The following KCNT2 variants were observed in gnomAD, a reference collection of about 807,000 sequenced individuals.
KCNT2 encodes the protein potassium channel subfamily T member 2.
In KCNT2, 67 loss-of-function variants were observed where a neutral mutation model predicts 153.8. The observed-to-expected ratio is 0.44, with a 90% CI of 0.36 to 0.53. The LOEUF (loss-of-function observed/expected upper bound fraction) is 0.53, where lower values mean the gene tolerates loss of function less well. KCNT2 is among the 20% of genes least tolerant of loss of function. KCNT2 has a pLI of 0.00. For synonymous variants in KCNT2, 500 were observed against 458.8 expected, an observed-to-expected ratio of 1.09 and a Z score of -1.15; for missense variants, 975 against 1,354.8, an observed-to-expected ratio of 0.72 and a Z score of 4.40.
chr1:196,255,158 GAAT>G (rs1038840179), intron 26 of KCNT2, among the ~76,000 whole-genome samples: 25 of 151,456 alleles, frequency 1.7e-4, no homozygotes, highest in African/African-American at 6.0e-4. Flanking sequence ...GATTATTGAG[GAAT>G]AATGTTAGTT....
chr1:196,477,002 T>C (rs1310607536), intron 5 of KCNT2, among the ~76,000 whole-genome samples: 2 of 152,224 alleles, frequency 1.3e-5, no homozygotes, highest in Admixed American at 1.3e-4. Flanking sequence ...AATGTGCTTT[T>C]ATATGATACT....
chr1:196,456,682 C>A (rs1676701696), intron 8 of KCNT2, among the ~76,000 whole-genome samples: 1 of 151,880 alleles, frequency 6.6e-6, no homozygotes, highest in Non-Finnish European at 1.5e-5. Context: ...TGACTTTGTT[C>A]ATACCACTAG....
chr1:196,271,910 C>T (rs1488827499), intron 25 of KCNT2, among the ~76,000 whole-genome samples: 1 of 151,970 alleles, frequency 6.6e-6, no homozygotes, highest in Non-Finnish European at 1.5e-5. Flanking sequence ...CACCCAAAAA[C>T]AATGCACCAA....
chr1:196,384,808 A>T (rs1260913958), intron 13 of KCNT2, among the ~76,000 whole-genome samples: 2 of 152,014 alleles, frequency 1.3e-5, no homozygotes, highest in Non-Finnish European at 2.9e-5. Flanking sequence ...AAATACATAA[A>T]ATCATCCCTT....
intron 25 of KCNT2, among the ~76,000 whole-genome samples, chr1:196,279,823 G>A (rs1489420554): frequency 6.6e-6 from 1 of 151,772 alleles, no homozygotes; most frequent in African/African-American, 2.4e-5. Context: ...TTATATAAGT[G>A]TCAAACTATA....
intron 11 of KCNT2, among the ~76,000 whole-genome samples, chr1:196,423,538 T>C (rs990586708): frequency 6.6e-6 from 1 of 151,844 alleles, no homozygotes; most frequent in Non-Finnish European, 1.5e-5. Flanking sequence ...TTTGTATTTA[T>C]ACTTCCTGGA....
chr1:196,523,812 A>G (rs989630177), intron 1 of KCNT2, among the ~76,000 whole-genome samples: 5 of 152,218 alleles, frequency 3.3e-5, no homozygotes, highest in African/African-American at 1.2e-4. Flanking sequence ...AATTATTTTG[A>G]GTCTTAAAGA....
intron 22 of KCNT2, among the ~76,000 whole-genome samples, chr1:196,300,140 T>C (rs1661045297): frequency 6.6e-6 from 1 of 152,162 alleles, no homozygotes; most frequent in South Asian, 2.1e-4. Flanking sequence ...AAGGAGTGTA[T>C]ATTTCTGAAG....
In KCNT2 at chr1:196,564,848, T is replaced by C. The variant is rs1197987310; in HGVS notation, c.95+43367A>G. The stretch of plus-strand genomic sequence containing the variant: ...AACACAGATTAACTAAAGACCTAAA[T>C]ACAGACCTGAAACTGTAAAAGTAAT... On this transcript the variant is annotated intron_variant, in intron 1 of 27. Coordinates refer to ENST00000294725, the MANE Select transcript of KCNT2 (RefSeq NM_198503.5). Among the ~76,000 whole-genome samples the C allele has an allele frequency of 2.2e-4, 33 of 151,732 alleles. 1 individual carries two copies. The highest frequency in any genetic ancestry group is 2.2e-3 in the Admixed American group (33 of 15,204).
chr1:196,465,401 G>GA lies in KCNT2; in HGVS notation c.544-15dup, dbSNP rs753774068. ...GTGTAGATCATTCTAAAATAATACA[G>GA]AAAAAAAGTTGTAAATTTTGATAAA... On this transcript the variant is annotated splice_polypyrimidine_tract_variant and intron_variant, in intron 7 of 27. Transcript: ENST00000294725. The GA allele has an allele frequency of 1.5e-5, 22 of 1,477,860 alleles. No individual in the cohort carries two copies. The Admixed American group carries it at 1.7e-4, about 12-fold the overall frequency. The allele number at this position is 1,477,860 out of a possible 1,614,324, so 91.5% of individuals were successfully genotyped here.
chr1:196,475,496 T>G (rs915998765), intron 5 of KCNT2, among the ~76,000 whole-genome samples: 15 of 152,082 alleles, frequency 9.9e-5, no homozygotes, highest in African/African-American at 3.4e-4. Context: ...GGTGCACACC[T>G]GCAGTCCCAA....
intron 19 of KCNT2, among the ~76,000 whole-genome samples, chr1:196,320,619 G>A (rs1663203378): frequency 6.6e-6 from 1 of 150,488 alleles, no homozygotes; most frequent in South Asian, 2.1e-4. Context: ...TGAACTTTTT[G>A]TTCTCTCCCT....
intron 1 of KCNT2, among the ~76,000 whole-genome samples, chr1:196,563,811 C>T (rs765570460): frequency 1.7e-4 from 26 of 151,864 alleles, no homozygotes; most frequent in Non-Finnish European, 3.4e-4. Context: ...AAGAATTCAA[C>T]ATCCTTTCAT....
chr1:196,439,784 C>T lies in KCNT2; in HGVS notation c.639-10027G>A, dbSNP rs144760018. The stretch of plus-strand genomic sequence containing the variant: ...ATCCTACTTGAACTTGTTTACAGTT[C>T]TAATCTTTTCAGTTCCAAAACAATA... On this transcript the variant is annotated intron_variant, in intron 8 of 27. Coordinates refer to ENST00000294725, the MANE Select transcript of KCNT2 (RefSeq NM_198503.5). Among the ~76,000 whole-genome samples the T allele has an allele frequency of 6.4e-4, 98 of 151,954 alleles. No individual in the cohort carries two copies. The East Asian group carries it at 0.011, about 17-fold the overall frequency.
At chr1:196,278,233 A>C (rs1335435523) in intron 25 of KCNT2, among the ~76,000 whole-genome samples, 1 of 152,202 alleles carries the variant, frequency 6.6e-6, no homozygotes, top group Non-Finnish European at 1.5e-5. Flanking sequence ...CACTCAGTTT[A>C]TGCTAGTACA....
chr1:196,238,277 T>C (rs1002207566), intron 26 of KCNT2, among the ~76,000 whole-genome samples: 1 of 151,944 alleles, frequency 6.6e-6, no homozygotes, highest in African/African-American at 2.4e-5. Context: ...AAAAATTGTG[T>C]AGATAATTGA....
At chr1:196,428,605 A>G (rs1673857675) in intron 9 of KCNT2, among the ~76,000 whole-genome samples, 1 of 152,084 alleles carries the variant, frequency 6.6e-6, no homozygotes, top group Non-Finnish European at 1.5e-5. Flanking sequence ...ATTCTCTGTC[A>G]AATTCTAACC....
intron 1 of KCNT2, among the ~76,000 whole-genome samples, chr1:196,507,568 C>A (rs1572675168): frequency 6.6e-6 from 1 of 152,020 alleles, no homozygotes; most frequent in South Asian, 2.1e-4. Flanking sequence ...CAATTTTATT[C>A]TATCATTGCC....
intron 8 of KCNT2, among the ~76,000 whole-genome samples, chr1:196,454,011 C>A (rs1676442874): frequency 1.3e-5 from 2 of 151,076 alleles, no homozygotes; most frequent in African/African-American, 2.4e-5. Flanking sequence ...TTTTATTATT[C>A]TTCCCTGTGT....
Sources: gnomAD v4.1 joint callset for allele counts (sites outside exome capture counted in the v4.1 genomes callset) on GRCh38, gnomAD v4.1.1 for gene constraint, MANE v1.5 for transcripts, NCBI Gene and HGNC (gene_info 2026-07-23, HGNC 2026-07-21) for gene names.